The following DAGLB variants were observed in gnomAD, a reference collection of about 807,000 sequenced individuals.
DAGLB encodes diacylglycerol lipase-beta.
In DAGLB, 66 loss-of-function variants were observed where a neutral mutation model predicts 72.1. That is an observed-to-expected ratio of 0.92 (90% CI 0.75 to 1.12). The LOEUF (loss-of-function observed/expected upper bound fraction) is 1.12. Among genes scored for constraint, DAGLB ranks in the 50% most tolerant of loss-of-function variants. DAGLB has a pLI of 0.00. For missense variants in DAGLB, 1,065 were observed against 884.9 expected (o/e 1.20, Z -2.58); for synonymous variants, 414 against 359.5 (o/e 1.15, Z -1.71).
intron 13 of DAGLB, among the ~76,000 whole-genome samples, chr7:6,410,714 C>CA (rs1783693960): frequency 6.6e-6 from 1 of 152,064 alleles, no homozygotes; most frequent in Non-Finnish European, 1.5e-5. Flanking sequence ...TCAGCTTTAC[C>CA]CTTCCTTCCC....
intron 4 of DAGLB, among the ~76,000 whole-genome samples, chr7:6,434,372 G>A (rs1251584489): frequency 1.3e-5 from 2 of 152,098 alleles, no homozygotes; most frequent in East Asian, 3.8e-4. Context: ...GATACAAAGT[G>A]GTAAGAAGTC....
chr7:6,427,561 G>C (rs1459967565), intron 6 of DAGLB, among the ~76,000 whole-genome samples: 1 of 152,124 alleles, frequency 6.6e-6, no homozygotes, highest in African/African-American at 2.4e-5. Context: ...GGGAGGCTGA[G>C]GTGAGAGAAC....
intron 9 of DAGLB, among the ~76,000 whole-genome samples, chr7:6,420,259 G>A (rs1168418392): frequency 1.3e-5 from 2 of 152,122 alleles, no homozygotes; most frequent in African/African-American, 4.8e-5. Context: ...GGCCAACATG[G>A]TGAAACCCCG....
intron 2 of DAGLB, among the ~76,000 whole-genome samples, chr7:6,444,334 AC>A (rs1301901633): frequency 6.6e-6 from 1 of 152,110 alleles, no homozygotes; most frequent in Non-Finnish European, 1.5e-5. Context: ...AGGCGCGGTG[AC>A]TCACACTTGT....
At position 6,447,953 on chromosome 7, in the gene DAGLB, G is replaced by T. The variant is rs1562492305; in HGVS notation, c.-111C>A. ...AAATTATCGGCGCTCAAGCGCAAAC[G>T]CAGCGAGGGCGGGGACCTGCGCATG... On this transcript the variant is annotated 5_prime_UTR_variant, in exon 1 of 15. Transcript: ENST00000297056. The T allele has an allele frequency of 2.8e-6, 4 of 1,450,108 alleles. No individual in the cohort carries two copies. The East Asian group carries it at 1.0e-4, about 37-fold the overall frequency. The allele number at this position is 1,450,108 out of a possible 1,614,324, so 89.8% of individuals were successfully genotyped here.
chr7:6,436,391 T>C lies in DAGLB; in HGVS notation c.390A>G (p.Val130=). ...CCACGACGGTTGCGATGATGCCGTT[T>C]ACAACTGTCCTGTCGCACTGAACAC... ...ADGVQCDRTV[V]NGIIATVVVS... The change falls in exon 3 of 15, where the codon GTA becomes GTG. Residue 130 remains valine (V), a synonymous_variant. Coordinates refer to ENST00000297056, the MANE Select transcript of DAGLB (RefSeq NM_139179.4). The C allele has an allele frequency of 6.2e-7, 1 of 1,612,690 alleles. No homozygotes were observed. Among genetic ancestry groups the C allele is most frequent in the Non-Finnish European group, 8.5e-7 (1 of 1,179,740 alleles).
At chr7:6,415,489 A>G (rs1783877199) in intron 11 of DAGLB, among the ~76,000 whole-genome samples, 1 of 151,590 alleles carries the variant, frequency 6.6e-6, no homozygotes, top group East Asian at 2.0e-4. Context: ...TTTCCTTTAT[A>G]ATCATGGCAA....
Position 6,416,889 on chromosome 7 carries a change from T to G in DAGLB, c.1251A>C (p.Gln417His). 6.2e-7 allele frequency: 1 copy of G among 1,614,180 alleles called. No individual in the cohort carries two copies. Among genetic ancestry groups the G allele is most frequent in the Admixed American group, 1.7e-5 (1 of 60,022 alleles). The change falls in exon 10 of 15, where the codon CAA (glutamine) becomes CAC (histidine). Residue 417 changes from glutamine to histidine, a missense_variant. Transcript: ENST00000297056. ...TCAAAATCCCGTCGTTGATGAGTCG[T>G]TGGTAAACGTATCTGGCAGCTTGAG... ...GISQAARYVY[Q>H]RLINDGILSQ...
intron 5 of DAGLB, 120 bp downstream of exon 5, chr7:6,432,717 G>A: frequency 7.9e-7 from 1 of 1,263,072 alleles, no homozygotes; most frequent in Non-Finnish European, 1.0e-6. Context: ...GGGAGGGGAG[G>A]GAGGGGAAAG....
intron 9 of DAGLB, among the ~76,000 whole-genome samples, chr7:6,420,708 A>G (rs1396475504): frequency 1.5e-5 from 2 of 137,486 alleles, no homozygotes; most frequent in African/African-American, 3.2e-5. Flanking sequence ...AAACTGACCA[A>G]TGTGTGTCAG....
intron 5 of DAGLB, among the ~76,000 whole-genome samples, chr7:6,432,632 C>T (rs1320555772): frequency 2.9e-5 from 4 of 136,558 alleles, no homozygotes; most frequent in Non-Finnish European, 4.6e-5. Context: ...TGCACTCCAG[C>T]CTGGGCGACA....
At position 6,416,881 on chromosome 7, in the gene DAGLB, ATGAGTCGTTGG is replaced by A. The variant is rs777425214; in HGVS notation, c.1248_1258del (p.Leu419ArgfsTer12). ...GGCTTGGCTCAAAATCCCGTCGTTG[ATGAGTCGTTGG>A]TAAACGTATCTGGCAGCTTGAGAAA... is the stretch of plus-strand genomic sequence containing the variant. On this transcript the variant is annotated frameshift_variant, in exon 10 of 15. Transcript: ENST00000297056. LOFTEE classifies it high-confidence loss of function. 1.9e-6 allele frequency: 3 copies of A among 1,614,206 alleles called. No individual in the cohort carries two copies. Among genetic ancestry groups the A allele is most frequent in the East Asian group, 2.2e-5 (1 of 44,890 alleles).
chr7:6,418,422 C>G (rs949654215), intron 9 of DAGLB, among the ~76,000 whole-genome samples: 1 of 152,056 alleles, frequency 6.6e-6, no homozygotes, highest in Non-Finnish European at 1.5e-5. Context: ...AAGCCATTCC[C>G]TACACGCAGT....
rs762971743 is a variant in DAGLB at position 6,436,377 on chromosome 7, G to A, written c.404C>T (p.Ala135Val). 1.9e-6 allele frequency: 3 copies of A among 1,609,272 alleles called. No individual in the cohort carries two copies. The highest frequency in any genetic ancestry group is 2.5e-6 in the Non-Finnish European group (3 of 1,178,624). The change falls in exon 3 of 15, where the codon GCA becomes GTA. Residue 135 changes from alanine to valine, a missense_variant. Coordinates refer to ENST00000297056, the MANE Select transcript of DAGLB (RefSeq NM_139179.4). ...GAGATGTCACCTGACCACGACGGTTGCGATGATGCCGTTTACAACTGTCCT... is the reference window on the plus strand; with the variant it reads ...GAGATGTCACCTGACCACGACGGTTACGATGATGCCGTTTACAACTGTCCT... ...CDRTVVNGII[A>V]TVVVSWIIIA...
intron 6 of DAGLB, among the ~76,000 whole-genome samples, chr7:6,430,245 A>C (rs1190502877): frequency 1.0e-5 from 1 of 100,254 alleles, no homozygotes; most frequent in Non-Finnish European, 1.9e-5. Context: ...AAAAAAATAC[A>C]TGTGCATATA....
At chr7:6,442,337 CATTG>C (rs1216931361) in intron 2 of DAGLB, among the ~76,000 whole-genome samples, 20 of 152,030 alleles carry the variant, frequency 1.3e-4, no homozygotes, top group African/African-American at 4.8e-4. Context: ...ATGATGCAAG[CATTG>C]TACGAGTGTC....
At chr7:6,434,637 C>T in intron 4 of DAGLB, 125 bp downstream of exon 4, 1 of 1,482,394 alleles carries the variant, frequency 6.7e-7, no homozygotes, top group Non-Finnish European at 9.1e-7. Flanking sequence ...GGTCTCCGGC[C>T]ACCCCCCACA....
intron 6 of DAGLB, among the ~76,000 whole-genome samples, chr7:6,430,055 A>G (rs1234595909): frequency 1.3e-5 from 2 of 149,622 alleles, no homozygotes; most frequent in East Asian, 4.0e-4. Flanking sequence ...AAAAATGAAA[A>G]TTAGCCGGGC....
intron 5 of DAGLB, among the ~76,000 whole-genome samples, chr7:6,431,778 A>AC (rs1784495618): frequency 2.0e-5 from 3 of 152,140 alleles, no homozygotes. Context: ...AAAAAATAAA[A>AC]TAAAAAATAA....
Sources: gnomAD v4.1 joint callset for allele counts (sites outside exome capture counted in the v4.1 genomes callset) on GRCh38, gnomAD v4.1.1 for gene constraint, MANE v1.5 for transcripts, NCBI Gene and HGNC (gene_info 2026-07-23, HGNC 2026-07-21) for gene names.